Variants in ARHGAP42 observed in about 807,000 individuals in gnomAD.
The protein encoded by ARHGAP42 is Rho GTPase activating protein 42.
In ARHGAP42, 63 loss-of-function variants were observed where a neutral mutation model predicts 125.0. The observed-to-expected ratio is 0.50, with a 90% confidence interval of 0.41 to 0.62. The LOEUF is 0.62. Among genes scored for constraint, ARHGAP42 ranks in the 20% least tolerant of loss-of-function variants. The pLI is 0.00. For synonymous variants in ARHGAP42, 339 were observed against 351.0 expected (o/e 0.97, Z 0.38); for missense variants, 766 against 1,024.2 (o/e 0.75, Z 3.44).
intron 12 of ARHGAP42, among the ~76,000 whole-genome samples, chr11:100,958,997 G>A (rs954503358): frequency 6.6e-6 from 1 of 151,708 alleles, no homozygotes; most frequent in Non-Finnish European, 1.5e-5. Flanking sequence ...TTAATCTACT[G>A]TCTTTAAATG....
intron 9 of ARHGAP42, among the ~76,000 whole-genome samples, 169 bp downstream of exon 9, chr11:100,942,053 G>C (rs1472243670): frequency 6.6e-6 from 1 of 152,182 alleles, no homozygotes; most frequent in Non-Finnish European, 1.5e-5. Context: ...CTTGAAAAGA[G>C]TAGCCAGGGT....
At chr11:100,801,175 A>G (rs1238663621) in intron 3 of ARHGAP42, among the ~76,000 whole-genome samples, 1 of 152,184 alleles carries the variant, frequency 6.6e-6, no homozygotes, top group Non-Finnish European at 1.5e-5. Context: ...CTCAACCTGT[A>G]TGTATAGATG....
intron 1 of ARHGAP42, among the ~76,000 whole-genome samples, chr11:100,738,008 A>G (rs1862102778): frequency 6.6e-6 from 1 of 152,220 alleles, no homozygotes; most frequent in Admixed American, 6.5e-5. Flanking sequence ...CGTTTTGCAC[A>G]TAGTAGGCAG....
At chr11:100,795,560 G>C (rs1863690061) in intron 3 of ARHGAP42, among the ~76,000 whole-genome samples, 1 of 152,136 alleles carries the variant, frequency 6.6e-6, no homozygotes, top group Non-Finnish European at 1.5e-5. Flanking sequence ...ACTTGCCAGG[G>C]TAGTGTTAAA....
At chr11:100,759,913 G>T (rs1591158144) in intron 1 of ARHGAP42, among the ~76,000 whole-genome samples, 1 of 152,178 alleles carries the variant, frequency 6.6e-6, no homozygotes, top group Non-Finnish European at 1.5e-5. Context: ...CTGAACCTCT[G>T]ACTGCATACC....
At chr11:100,743,008 GA>G (rs1262327168) in intron 1 of ARHGAP42, among the ~76,000 whole-genome samples, 2 of 152,154 alleles carry the variant, frequency 1.3e-5, no homozygotes, top group African/African-American at 4.8e-5. Context: ...TTTGGTGTGT[GA>G]TTTATATTCA....
intron 5 of ARHGAP42, 23 bp downstream of exon 5, chr11:100,913,576 ATGGAAAAGG>A: frequency 8.3e-7 from 1 of 1,210,698 alleles, no homozygotes; most frequent in Non-Finnish European, 1.1e-6. Flanking sequence ...AACTGAAATA[ATGGAAAAGG>A]CATTAAGTCA....
At chr11:100,834,675 T>C (rs1402469786) in intron 3 of ARHGAP42, among the ~76,000 whole-genome samples, 1 of 151,972 alleles carries the variant, frequency 6.6e-6, no homozygotes, top group Non-Finnish European at 1.5e-5. Flanking sequence ...TAGTAGTAGC[T>C]TAAAGAAGTG....
chr11:100,937,013 C>T (rs1048201028), intron 8 of ARHGAP42, among the ~76,000 whole-genome samples: 1 of 152,204 alleles, frequency 6.6e-6, no homozygotes, highest in Admixed American at 6.5e-5. Flanking sequence ...GGTGAAGAAA[C>T]AGTTGTGTGT....
At chr11:100,745,112 G>A (rs1189334258) in intron 1 of ARHGAP42, among the ~76,000 whole-genome samples, 1 of 152,114 alleles carries the variant, frequency 6.6e-6, no homozygotes, top group African/African-American at 2.4e-5. Context: ...ATGAGTCAGG[G>A]TGGAGCAGGT....
At chr11:100,733,790 A>C (rs1236583055) in intron 1 of ARHGAP42, among the ~76,000 whole-genome samples, 17 of 122,534 alleles carry the variant, frequency 1.4e-4, no homozygotes, top group Admixed American at 8.3e-4. Context: ...GTGCCACTAC[A>C]CTCCAGCCTG....
At chr11:100,750,043 G>A (rs1406840552) in intron 1 of ARHGAP42, among the ~76,000 whole-genome samples, 2 of 152,178 alleles carry the variant, frequency 1.3e-5, no homozygotes, top group Non-Finnish European at 2.9e-5. Context: ...CCCTGAGGCT[G>A]CCACAAGGGG....
At position 100,987,684 on chromosome 11, in the gene ARHGAP42, G is replaced by A. The variant is rs976119925; in HGVS notation, c.2536+92G>A. 109 of 1,215,416 alleles carry A rather than the reference G, an allele frequency of 9.0e-5. 1 individual carries two copies. The South Asian group carries it at 1.1e-3, about 13-fold the overall frequency. 75.3% of individuals were successfully genotyped at this position (1,215,416 alleles called of 1,614,324 possible). ...TATGAGTCTAAAGTAGAAGCCAGAAGCCTCAGATTTTATCCCATGTCCTGC... is the reference window on the plus strand; with the variant it reads ...TATGAGTCTAAAGTAGAAGCCAGAAACCTCAGATTTTATCCCATGTCCTGC... On this transcript the variant is annotated intron_variant, in intron 23 of 23. Coordinates refer to ENST00000298815, the MANE Select transcript of ARHGAP42 (RefSeq NM_152432.4).
chr11:100,688,010 T>A, intron 1 of ARHGAP42, 178 bp downstream of exon 1: 1 of 600,062 alleles, frequency 1.7e-6, no homozygotes, highest in Non-Finnish European at 2.7e-6. Context: ...GTTCTTTACT[T>A]ACTCACATGT....
intron 1 of ARHGAP42, among the ~76,000 whole-genome samples, chr11:100,705,944 G>A (rs549602306): frequency 6.0e-5 from 9 of 150,530 alleles, no homozygotes; most frequent in African/African-American, 1.9e-4. Flanking sequence ...TGCAGTGGGA[G>A]TGCACCTGTA....
intron 1 of ARHGAP42, among the ~76,000 whole-genome samples, chr11:100,746,292 G>A (rs1862302581): frequency 1.3e-5 from 2 of 152,222 alleles, no homozygotes; most frequent in African/African-American, 4.8e-5. Flanking sequence ...ATGGAAGCTG[G>A]ATGGCCCTCG....
At chr11:100,979,127 T>C in intron 22 of ARHGAP42, 78 bp downstream of exon 22, 1 of 1,383,658 alleles carries the variant, frequency 7.2e-7, no homozygotes, top group Non-Finnish European at 1.0e-6. Context: ...ACACTCTCTG[T>C]GACAGCTCCG....
intron 3 of ARHGAP42, among the ~76,000 whole-genome samples, chr11:100,808,496 C>G (rs576320427): frequency 1.4e-5 from 2 of 147,066 alleles, no homozygotes; most frequent in African/African-American, 5.1e-5. Context: ...AGCTCCGCTT[C>G]CCGGGTTCAC....
chr11:100,725,562 G>T (rs527858415), intron 1 of ARHGAP42, among the ~76,000 whole-genome samples: 2 of 152,202 alleles, frequency 1.3e-5, no homozygotes, highest in Non-Finnish European at 2.9e-5. Context: ...CGGAGCTGAG[G>T]CAGGAGGATC....
Sources: allele counts gnomAD v4.1 joint callset (sites outside exome capture counted in the v4.1 genomes callset), GRCh38; gene constraint gnomAD v4.1.1; transcripts MANE v1.5; gene names NCBI Gene and HGNC (gene_info 2026-07-23, HGNC 2026-07-21).